Variants in SSMEM1 observed in about 807,000 individuals in gnomAD.
The protein encoded by SSMEM1 is serine rich single-pass membrane protein 1, also known as serine-rich single-pass membrane protein 1.
In SSMEM1, 12 loss-of-function variants were observed where a neutral mutation model predicts 9.9. That is an observed-to-expected ratio of 1.21 (90% CI 0.78 to 1.96). SSMEM1 has a LOEUF of 1.96. SSMEM1 is among the 30% of genes most tolerant of loss of function. SSMEM1 has a pLI of 0.00. For missense variants in SSMEM1, 259 were observed against 292.2 expected, an observed-to-expected ratio of 0.89 and a Z score of 0.83; for synonymous variants, 96 against 98.9, an observed-to-expected ratio of 0.97 and a Z score of 0.17.
chr7:130,216,269 G>A lies in SSMEM1; in HGVS notation c.534G>A (p.Arg178=). The A allele has an allele frequency of 6.2e-7, 1 of 1,614,138 alleles. No homozygotes were observed. The highest frequency in any genetic ancestry group is 8.5e-7 in the Non-Finnish European group (1 of 1,180,032). The change falls in exon 3 of 3, where the codon AGG becomes AGA. Residue 178 remains arginine (R), a synonymous_variant. Coordinates refer to ENST00000297819, the MANE Select transcript of SSMEM1 (RefSeq NM_145268.4). ...ACCCATCACCAGACAGTATTAAGAGGAGAAAAATGGCTCAGAGGCAAAGGA... is the reference window on the plus strand; with the variant it reads ...ACCCATCACCAGACAGTATTAAGAGAAGAAAAATGGCTCAGAGGCAAAGGA... ...EHHPSPDSIK[R]RKMAQRQRNL...
chr7:130,209,022 T>C (rs1324910687), intron 1 of SSMEM1, among the ~76,000 whole-genome samples: 1 of 152,096 alleles, frequency 6.6e-6, no homozygotes, highest in East Asian at 1.9e-4. Context: ...GCCACCACGC[T>C]CTGCTAACTT....
chr7:130,213,377 A>G, intron 1 of SSMEM1, 103 bp from the exon 2 acceptor site: 1 of 827,460 alleles, frequency 1.2e-6, no homozygotes. Context: ...AAAAAAATAA[A>G]ACCAGACATT....
At position 130,207,973 on chromosome 7, in the gene SSMEM1, C is replaced by A; in HGVS notation, c.63C>A (p.Ala21=). 6.2e-7 allele frequency: 1 copy of A among 1,613,994 alleles called. No individual in the cohort carries two copies. Among genetic ancestry groups the A allele is most frequent in the Non-Finnish European group, 8.5e-7 (1 of 1,179,962 alleles). The change falls in exon 1 of 3, where the codon GCC becomes GCA. Residue 21 remains alanine, a synonymous_variant. Coordinates refer to ENST00000297819, the MANE Select transcript of SSMEM1 (RefSeq NM_145268.4). ...CTCCCCCAATACCTGTAAATTGTGCCATTCCAAATCAGGATTATGAATGCT... is the reference window on the plus strand; with the variant it reads ...CTCCCCCAATACCTGTAAATTGTGCAATTCCAAATCAGGATTATGAATGCT... ...VDPPPIPVNC[A]IPNQDYECWK...
Position 130,216,252 on chromosome 7 carries a change from C to T in SSMEM1, c.517C>T (p.Pro173Ser). 1 of 1,614,102 alleles carries T rather than the reference C, an allele frequency of 6.2e-7. No homozygotes were observed. Among genetic ancestry groups the T allele is most frequent in the Non-Finnish European group, 8.5e-7 (1 of 1,180,032 alleles). Residue 173 changes from proline to serine, a missense_variant, in exon 3 of 3, where the codon CCA becomes TCA. Physicochemically the swap from Pro to Ser is moderately conservative, Grantham distance 74 (BLOSUM62 -1). Coordinates refer to ENST00000297819, the MANE Select transcript of SSMEM1 (RefSeq NM_145268.4). ...KESESEHHPS[P>S]DSIKRRKMAQ... ...GAGTGAAAGTGAACACCACCCATCA[C>T]CAGACAGTATTAAGAGGAGAAAAAT...
At chr7:130,205,627 G>T (rs1231797817), upstream of SSMEM1, 23 of 599,392 alleles carry the variant, frequency 3.8e-5, no homozygotes, top group Non-Finnish European at 6.8e-5. Context: ...CTCTGAACCC[G>T]CAGTAAAAAG....
At chr7:130,207,722 G>C, upstream of SSMEM1, 1 of 707,090 alleles carries the variant, frequency 1.4e-6, no homozygotes, top group Non-Finnish European at 2.6e-6. Flanking sequence ...AACATTCAGA[G>C]GAGTAATTTG....
In SSMEM1 at chr7:130,216,596, C is replaced by G. The variant is rs535822389; in HGVS notation, c.*126C>G. 1.7e-6 allele frequency: 2 copies of G among 1,202,434 alleles called. No homozygotes were observed. The highest frequency in any genetic ancestry group is 3.1e-5 in the African/African-American group (2 of 65,222). 74.5% of individuals were successfully genotyped at this position (1,202,434 alleles called of 1,614,324 possible). A position where few individuals can be genotyped will look rare whatever the true frequency, so the allele number is the denominator to read the frequency against. On this transcript the variant is annotated 3_prime_UTR_variant, in exon 3 of 3. Transcript: ENST00000297819. ...CTCTCTACCAACAAACAAAAACATA[C>G]TTGGAACCCAAGAGGTAAAATCTCA... is the stretch of plus-strand genomic sequence containing the variant.
chr7:130,213,644 G>C (rs902397441), intron 2 of SSMEM1, 110 bp downstream of exon 2: 9 of 607,416 alleles, frequency 1.5e-5, no homozygotes, highest in Non-Finnish European at 2.3e-5. Context: ...GATTGCTTGA[G>C]CTAAGCAGTT....
rs190214900 is a variant in SSMEM1 at position 130,215,540 on chromosome 7, G to T, written c.239-434G>T. ...TCTCAAAATTCCTGAAAGTTTATCA[G>T]CTCTTCTGAGCAGGTACAAGCCAAC... On this transcript the variant is annotated intron_variant, in intron 2 of 2. Coordinates refer to ENST00000297819, the MANE Select transcript of SSMEM1 (RefSeq NM_145268.4). 2.7e-3 allele frequency among the ~76,000 whole-genome samples: 405 copies of T among 152,258 alleles called. 5 individuals are homozygous for T. The highest frequency in any genetic ancestry group is 4.4e-3 in the Non-Finnish European group (300 of 68,024).
chr7:130,214,391 C>T (rs577621592), intron 2 of SSMEM1, among the ~76,000 whole-genome samples: 170 of 151,904 alleles, frequency 1.1e-3, no homozygotes, highest in African/African-American at 3.4e-3. Context: ...CCAGCCTGGG[C>T]GGCACAGTGA....
chr7:130,205,927 C>T (rs1301994461), upstream of SSMEM1, among the ~76,000 whole-genome samples: 1 of 152,164 alleles, frequency 6.6e-6, no homozygotes, highest in African/African-American at 2.4e-5. Context: ...CCGCCCGCCT[C>T]AGCCTCCCAA....
upstream of SSMEM1, among the ~76,000 whole-genome samples, chr7:130,207,359 G>A (rs1392729716): frequency 6.6e-6 from 1 of 152,122 alleles, no homozygotes; most frequent in East Asian, 1.9e-4. Flanking sequence ...CTTGATTTCT[G>A]TGCTCGTGAA....
intron 1 of SSMEM1, among the ~76,000 whole-genome samples, chr7:130,211,561 C>T (rs1200185706): frequency 6.6e-6 from 1 of 152,170 alleles, no homozygotes; most frequent in African/African-American, 2.4e-5. Flanking sequence ...TGCTTGCCTA[C>T]CATTGCAGAG....
Position 130,216,354 on chromosome 7 carries a change from A to G in SSMEM1, c.619A>G (p.Asn207Asp). Residue 207 changes from asparagine (N) to aspartate (D), a missense_variant, in exon 3 of 3, where the codon AAC (asparagine) becomes GAC (aspartate). Coordinates refer to ENST00000297819, the MANE Select transcript of SSMEM1 (RefSeq NM_145268.4). ...CCTCCACTGCAAAGCCTTGAGAACCAACGAATGGTTGGCGCACCATTCCCG... is the reference window on the plus strand; with the variant it reads ...CCTCCACTGCAAAGCCTTGAGAACCGACGAATGGTTGGCGCACCATTCCCG... ...HCLHCKALRTNEWLAHHSRQK... is the reference protein window; with the variant it reads ...HCLHCKALRTDEWLAHHSRQK... 6.2e-7 allele frequency: 1 copy of G among 1,614,254 alleles called. No homozygotes were observed.
At position 130,216,092 on chromosome 7, in the gene SSMEM1, G is replaced by A. The variant is rs769324491; in HGVS notation, c.357G>A (p.Leu119=). Residue 119 remains leucine (L), a synonymous_variant, in exon 3 of 3, where the codon TTG becomes TTA. Coordinates refer to ENST00000297819, the MANE Select transcript of SSMEM1 (RefSeq NM_145268.4). ...CTGTAACCAACTCAGAAGTGGCTTT[G>A]GTCAATGCCTATCCTGAACAAAGAC... is the stretch of plus-strand genomic sequence containing the variant. ...LTPVTNSEVA[L]VNAYPEQRRA... 1.2e-6 allele frequency: 2 copies of A among 1,614,156 alleles called. No individual in the cohort carries two copies. Among genetic ancestry groups the A allele is most frequent in the East Asian group, 2.2e-5 (1 of 44,892 alleles).
chr7:130,213,003 T>A (rs1246086463), intron 1 of SSMEM1, among the ~76,000 whole-genome samples: 1 of 152,122 alleles, frequency 6.6e-6, no homozygotes, highest in East Asian at 1.9e-4. Context: ...CATACTGAAT[T>A]AGCTTATTAT....
intron 2 of SSMEM1, among the ~76,000 whole-genome samples, chr7:130,214,808 G>A (rs947429144): frequency 1.3e-5 from 2 of 152,226 alleles, no homozygotes; most frequent in African/African-American, 4.8e-5. Context: ...ATACTGAAAT[G>A]TAATATGTAA....
rs1034980250 is a variant in SSMEM1, at chr7:130,216,573, C to G, written c.*103C>G. The G allele has an allele frequency of 2.0e-5, 28 of 1,383,632 alleles. No homozygotes were observed. The African/African-American group carries it at 2.8e-4, about 14-fold the overall frequency. The allele number at this position is 1,383,632 out of a possible 1,614,324, so 85.7% of individuals were successfully genotyped here. On this transcript the variant is annotated 3_prime_UTR_variant, in exon 3 of 3. Coordinates refer to ENST00000297819, the MANE Select transcript of SSMEM1 (RefSeq NM_145268.4). Reference sequence around the variant, plus strand: ...TGAGGAGACTTTTACAACAAAGTCTCTCTACCAACAAACAAAAACATACTT... The same window carrying G: ...TGAGGAGACTTTTACAACAAAGTCTGTCTACCAACAAACAAAAACATACTT...
chr7:130,208,865 CT>C lies in SSMEM1; in HGVS notation c.183+784del, dbSNP rs766884325. On this transcript the variant is annotated intron_variant, in intron 1 of 2. Transcript: ENST00000297819. ...CCAACATATTATGAGTAACCAAGCT[CT>C]TTTTTTTTTTTCTTGAGATGGAGTC... Among the ~76,000 whole-genome samples, 338 of 146,988 alleles carry C rather than the reference CT, an allele frequency of 2.3e-3. 1 individual carries two copies. Among genetic ancestry groups the C allele is most frequent in the African/African-American group, 5.4e-3 (219 of 40,304 alleles).
Sources: gnomAD v4.1 joint callset for allele counts (sites outside exome capture counted in the v4.1 genomes callset) on GRCh38, gnomAD v4.1.1 for gene constraint, MANE v1.5 for transcripts, NCBI Gene and HGNC (gene_info 2026-07-23, HGNC 2026-07-21) for gene names.